Variants in LRPPRC observed in about 807,000 individuals in gnomAD.
The protein encoded by LRPPRC is leucine rich pentatricopeptide repeat containing.
In LRPPRC, 120 loss-of-function variants were observed where a neutral mutation model predicts 180.3. That is an observed-to-expected ratio of 0.67 (90% CI 0.57 to 0.77). The LOEUF (loss-of-function observed/expected upper bound fraction) is 0.77, where lower values mean the gene tolerates loss of function less well. Ranked by LOEUF, LRPPRC falls within the 30% of genes least tolerant of loss-of-function variation. The probability of loss-of-function intolerance (pLI) is 0.00; values close to 1 mark genes in which losing one functional copy is unlikely to be tolerated. For synonymous variants in LRPPRC, 723 were observed against 600.0 expected, an observed-to-expected ratio of 1.21 and a Z score of -3.00; for missense variants, 2,012 against 1,657.2, an observed-to-expected ratio of 1.21 and a Z score of -3.72.
At chr2:43,995,775 TG>T in intron 1 of LRPPRC, 23 bp downstream of exon 1, 1 of 1,349,636 alleles carries the variant, frequency 7.4e-7, no homozygotes, top group Non-Finnish European at 9.4e-7. Context: ...GCAGCTTGCC[TG>T]GAGAAAGGGC....
rs1675036644 is a variant in LRPPRC, at chr2:43,995,885, C to G, written c.63G>C (p.Pro21=). 6.6e-7 allele frequency: 1 copy of G among 1,507,246 alleles called. No homozygotes were observed. The highest frequency in any genetic ancestry group is 8.8e-7 in the Non-Finnish European group (1 of 1,135,700). The allele number at this position is 1,507,246 out of a possible 1,614,324, so 93.4% of individuals were successfully genotyped here. ...CGCCAGGGAGGAGGCGCAGGGAGAG[C>G]GGGAGGCGCGGGGCCGCCCCGGCAC... ...LLRAGAAPRL[P]LSLRLLPGGP... Residue 21 remains proline, a synonymous_variant, in exon 1 of 38, where the codon CCG becomes CCC. Coordinates refer to ENST00000260665, the MANE Select transcript of LRPPRC (RefSeq NM_133259.4).
In LRPPRC at chr2:43,974,221, G is replaced by A. The variant is rs1673948143; in HGVS notation, c.1084C>T (p.Pro362Ser). ...CTTGGGCCATCTTCCTTTGATACGG[G>A]GCATGCTAGTAAAATTTGCAACGCT... is the stretch of plus-strand genomic sequence containing the variant. ...DVALQILLAC[P>S]VSKEDGPSVF... The change falls in exon 9 of 38, where the codon CCC becomes TCC. Residue 362 changes from proline to serine, a missense_variant. Physicochemically the swap from Pro to Ser is moderately conservative, Grantham distance 74. Coordinates refer to ENST00000260665, the MANE Select transcript of LRPPRC (RefSeq NM_133259.4). The A allele has an allele frequency of 6.2e-7, 1 of 1,610,660 alleles. No homozygotes were observed. Among genetic ancestry groups the A allele is most frequent in the Non-Finnish European group, 8.5e-7 (1 of 1,176,910 alleles).
chr2:43,948,088 C>CATA, intron 18 of LRPPRC, 34 bp downstream of exon 18: 1 of 1,301,082 alleles, frequency 7.7e-7, no homozygotes, highest in Non-Finnish European at 1.1e-6. Flanking sequence ...GTAAGTTAAG[C>CATA]ATTTTATCCA....
At chr2:43,926,725 C>G (rs1284801495) in intron 25 of LRPPRC, among the ~76,000 whole-genome samples, 1 of 152,166 alleles carries the variant, frequency 6.6e-6, no homozygotes, top group Non-Finnish European at 1.5e-5. Context: ...ACACTTTATT[C>G]CAATAGACTC....
chr2:43,895,453 C>G (rs775204877), intron 35 of LRPPRC, among the ~76,000 whole-genome samples: 1 of 152,170 alleles, frequency 6.6e-6, no homozygotes, highest in African/African-American at 2.4e-5. Context: ...GTGCATTTCC[C>G]GTCCCATCTC....
At chr2:43,958,995 G>C (rs1242682227) in intron 13 of LRPPRC, 1 of 489,544 alleles carries the variant, frequency 2.0e-6, no homozygotes, top group Non-Finnish European at 3.6e-6. Context: ...ATATTGTCAA[G>C]TTTTTATTCA....
At chr2:43,971,170 C>T (rs1052982333) in intron 11 of LRPPRC, among the ~76,000 whole-genome samples, 30 of 151,346 alleles carry the variant, frequency 2.0e-4, no homozygotes, top group Admixed American at 1.4e-3. Context: ...TTCTGATCAG[C>T]CCTTCTTTAT....
chr2:43,975,036 A>C (rs961414520), intron 7 of LRPPRC, 55 bp downstream of exon 7: 4 of 1,576,154 alleles, frequency 2.5e-6, no homozygotes, highest in Admixed American at 1.7e-5. Context: ...TGTAAAACAT[A>C]ACACAAATTT....
intron 23 of LRPPRC, among the ~76,000 whole-genome samples, chr2:43,935,492 A>G (rs1230197373): frequency 6.6e-6 from 1 of 152,244 alleles, no homozygotes. Context: ...AGTGAATTCT[A>G]GAAGAATTCT....
intron 1 of LRPPRC, among the ~76,000 whole-genome samples, chr2:43,995,478 G>A (rs928192419): frequency 1.2e-4 from 19 of 152,196 alleles, no homozygotes; most frequent in African/African-American, 4.6e-4. Flanking sequence ...ACCACCACCC[G>A]ACTTCCCAAA....
intron 6 of LRPPRC, 51 bp from the exon 7 acceptor site, chr2:43,975,268 T>C (rs1469924577): frequency 4.6e-6 from 7 of 1,524,928 alleles, no homozygotes; most frequent in Non-Finnish European, 5.4e-6. Context: ...AAATTTAATA[T>C]AGTTATTCAA....
chr2:43,888,758 C>T (rs1670366647), intron 37 of LRPPRC, 102 bp from the exon 38 acceptor site: 1 of 712,460 alleles, frequency 1.4e-6, no homozygotes. Context: ...GCTAAGACTG[C>T]CAGGCCCATG....
chr2:43,924,322 A>C (rs2105038979), intron 27 of LRPPRC, among the ~76,000 whole-genome samples: 1 of 152,306 alleles, frequency 6.6e-6, no homozygotes, highest in African/African-American at 2.4e-5. Context: ...CACTAGTATA[A>C]AAGTACTAGA....
chr2:43,992,811 G>T (rs998505484), intron 1 of LRPPRC, among the ~76,000 whole-genome samples: 12 of 152,038 alleles, frequency 7.9e-5, no homozygotes, highest in African/African-American at 2.4e-4. Context: ...GAAGAAGGAG[G>T]GGTCCAATTT....
At chr2:43,898,408 C>G (rs935845461) in intron 34 of LRPPRC, among the ~76,000 whole-genome samples, 3 of 151,976 alleles carry the variant, frequency 2.0e-5, no homozygotes, top group African/African-American at 7.3e-5. Context: ...GAAATTGGTC[C>G]CACGCCTCAA....
chr2:43,899,704 A>G, intron 32 of LRPPRC, 99 bp from the exon 33 acceptor site: 1 of 750,278 alleles, frequency 1.3e-6, no homozygotes, highest in Non-Finnish European at 2.3e-6. Context: ...TCATGCTAAT[A>G]CTTTAGGAAA....
At chr2:43,889,648 G>A (rs998527424) in intron 37 of LRPPRC, 86 bp downstream of exon 37, 4 of 1,102,518 alleles carry the variant, frequency 3.6e-6, no homozygotes, top group South Asian at 1.2e-5. Context: ...ATGTAATTAA[G>A]TCTTCAACTT....
chr2:43,891,540 G>T (rs904474287), intron 36 of LRPPRC, among the ~76,000 whole-genome samples: 2 of 152,096 alleles, frequency 1.3e-5, no homozygotes, highest in African/African-American at 4.8e-5. Context: ...AGTGATCTTT[G>T]ATGTTACTAT....
chr2:43,974,673 T>C lies in LRPPRC; in HGVS notation c.950A>G (p.Tyr317Cys), dbSNP rs757582202. 5 of 1,611,858 alleles carry C rather than the reference T, an allele frequency of 3.1e-6. No homozygotes were observed. The highest frequency in any genetic ancestry group is 1.3e-5 in the African/African-American group (1 of 74,874). ...CAAAATTTCTGAGACATACTGAGGA[T>C]ACCCAGCTTTACTGAAGCTAAAAAT... ...QIIFSFSKAG[Y>C]PQYVSEILEK... The change falls in exon 8 of 38, where the codon TAT (tyrosine) becomes TGT (cysteine). Residue 317 changes from tyrosine to cysteine, a missense_variant. Tyr to Cys is a radical substitution (Grantham distance 194). Coordinates refer to ENST00000260665, the MANE Select transcript of LRPPRC (RefSeq NM_133259.4).
Sources: gnomAD v4.1 joint callset for allele counts (sites outside exome capture counted in the v4.1 genomes callset) on GRCh38, gnomAD v4.1.1 for gene constraint, MANE v1.5 for transcripts, NCBI Gene and HGNC (gene_info 2026-07-23, HGNC 2026-07-21) for gene names.